Variants in ASIC2 observed in about 807,000 individuals in gnomAD.
ASIC2 encodes acid sensing ion channel subunit 2, also known as acid-sensing ion channel 2.
In ASIC2, 25 loss-of-function variants were observed where a neutral mutation model predicts 57.3. The ratio of observed to expected loss-of-function variants is 0.44; its 90% CI spans 0.32 to 0.61. The LOEUF (loss-of-function observed/expected upper bound fraction) is 0.61. ASIC2 is among the 20% of genes least tolerant of loss of function. The probability of loss-of-function intolerance (pLI) is 0.06; values close to 1 mark genes in which losing one functional copy is unlikely to be tolerated. For synonymous variants in ASIC2, 319 were observed against 307.5 expected, an observed-to-expected ratio of 1.04 and a Z score of -0.39; for missense variants, 641 against 738.1, an observed-to-expected ratio of 0.87 and a Z score of 1.52.
rs375932814 is a variant in ASIC2, at chr17:33,385,295, C to T, written c.556-273228G>A. 4.9e-4 allele frequency among the ~76,000 whole-genome samples: 74 copies of T among 152,244 alleles called. 3 individuals carry two copies. The East Asian group carries it at 0.012, about 24-fold the overall frequency. ...CTTCACTCTGGCCTCCCTCCCCAGC[C>T]CCTGAGCCCCTCCCTTTGGGTTTCA... On this transcript the variant is annotated intron_variant, in intron 1 of 9. Coordinates refer to the ASIC2 transcript ENST00000359872.
At chr17:33,142,807 T>C (rs1200240147) in intron 1 of ASIC2, among the ~76,000 whole-genome samples, 1 of 152,248 alleles carries the variant, frequency 6.6e-6, no homozygotes, top group African/African-American at 2.4e-5. Context: ...ATTTATTATG[T>C]ATTTGTCAAT....
intron 1 of ASIC2, among the ~76,000 whole-genome samples, chr17:34,016,433 A>G (rs1338179408): frequency 2.7e-5 from 4 of 148,698 alleles, no homozygotes; most frequent in African/African-American, 1.0e-4. Flanking sequence ...CAAAAAAAAA[A>G]AAAAAAAAAA....
chr17:33,852,988 C>A (rs1365293256), intron 1 of ASIC2, among the ~76,000 whole-genome samples: 3 of 151,924 alleles, frequency 2.0e-5, no homozygotes, highest in Middle Eastern at 3.2e-3. Flanking sequence ...TAAAGCCTTT[C>A]CCCCCCGTCA....
At chr17:33,799,416 TTTC>T (rs1258513913) in intron 1 of ASIC2, among the ~76,000 whole-genome samples, 19 of 69,262 alleles carry the variant, frequency 2.7e-4, no homozygotes, top group African/African-American at 1.0e-3. Context: ...TCTTTCTTTC[TTTC>T]TTTCTTTCTT....
chr17:33,508,497 C>T (rs1216751881), intron 1 of ASIC2, among the ~76,000 whole-genome samples: 1 of 152,196 alleles, frequency 6.6e-6, no homozygotes, highest in East Asian at 1.9e-4. Flanking sequence ...GGGTGGTGGC[C>T]ATCCCAGGGA....
intron 1 of ASIC2, among the ~76,000 whole-genome samples, chr17:33,961,624 A>G (rs942522168): frequency 6.6e-6 from 1 of 152,220 alleles, no homozygotes; most frequent in African/African-American, 2.4e-5. Flanking sequence ...TGTTCTGGGA[A>G]GATCACGGAG....
intron 1 of ASIC2, among the ~76,000 whole-genome samples, chr17:33,738,108 A>G (rs1207951674): frequency 1.3e-5 from 2 of 152,196 alleles, no homozygotes; most frequent in African/African-American, 4.8e-5. Flanking sequence ...CTGTAAGACC[A>G]AAGGCTTGCA....
At chr17:33,470,374 A>G (rs775884246) in intron 1 of ASIC2, among the ~76,000 whole-genome samples, 6 of 152,216 alleles carry the variant, frequency 3.9e-5, no homozygotes, top group Non-Finnish European at 8.8e-5. Flanking sequence ...GCATGCTTGC[A>G]TAGTGATAAA....
intron 1 of ASIC2, among the ~76,000 whole-genome samples, chr17:33,962,049 A>C (rs1402370716): frequency 6.6e-6 from 1 of 151,514 alleles, no homozygotes; most frequent in South Asian, 2.1e-4. Context: ...TTCTTCTAAC[A>C]CTCCGCACAC....
At chr17:33,310,310 C>G (rs1366125841) in intron 1 of ASIC2, among the ~76,000 whole-genome samples, 1 of 152,026 alleles carries the variant, frequency 6.6e-6, no homozygotes, top group African/African-American at 2.4e-5. Flanking sequence ...TACTCTGTGC[C>G]TTTGTCTCTC....
intron 1 of ASIC2, among the ~76,000 whole-genome samples, chr17:33,756,745 C>A (rs1016975545): frequency 6.6e-6 from 1 of 152,178 alleles, no homozygotes; most frequent in Non-Finnish European, 1.5e-5. Context: ...AGTGACAGCC[C>A]AAAGAGAGGC....
intron 1 of ASIC2, among the ~76,000 whole-genome samples, chr17:33,217,836 C>T (rs1045017209): frequency 3.3e-5 from 5 of 152,198 alleles, no homozygotes; most frequent in African/African-American, 1.2e-4. Context: ...CCTGTTTCTC[C>T]TTTTCTTTCT....
In ASIC2 at chr17:33,475,094, G is replaced by A. The variant is rs371637293; in HGVS notation, c.556-363027C>T. Among the ~76,000 whole-genome samples the A allele has an allele frequency of 7.3e-5, 11 of 151,724 alleles. No individual in the cohort carries two copies. The East Asian group carries it at 1.7e-3, about 24-fold the overall frequency. On this transcript the variant is annotated intron_variant, in intron 1 of 9. Transcript: ENST00000359872. ...ACACCCTCTTCTTGGCCTTTGAACT[G>A]CTATCTTTCATCTCCACTCCCCAAC... is the stretch of plus-strand genomic sequence containing the variant.
chr17:34,135,889 A>T lies in ASIC2; in HGVS notation c.555+20089T>A, dbSNP rs148107351. Among the ~76,000 whole-genome samples, 1,414 of 152,252 alleles carry T rather than the reference A, an allele frequency of 9.3e-3. 19 individuals are homozygous for T. Among genetic ancestry groups the T allele is most frequent in the African/African-American group, 0.033 (1,358 of 41,520 alleles). ...GATGCTGCCAATCATTATTCTAAAAAAAATAATAATGTGGTCATGTCATTG... is the reference window on the plus strand; with the variant it reads ...GATGCTGCCAATCATTATTCTAAAATAAATAATAATGTGGTCATGTCATTG... On this transcript the variant is annotated intron_variant, in intron 1 of 9. Coordinates refer to the ASIC2 transcript ENST00000359872.
chr17:33,108,769 G>A (rs2092245277), intron 2 of ASIC2, among the ~76,000 whole-genome samples: 1 of 152,168 alleles, frequency 6.6e-6, no homozygotes, highest in South Asian at 2.1e-4. Flanking sequence ...GAGGGGTCTG[G>A]GGGAAGTGAC....
At chr17:33,482,221 C>T (rs185760323) in intron 1 of ASIC2, among the ~76,000 whole-genome samples, 2 of 152,202 alleles carry the variant, frequency 1.3e-5, no homozygotes, top group African/African-American at 4.8e-5. Flanking sequence ...TGAGACTCAG[C>T]CTGCTGGGCC....
intron 1 of ASIC2, among the ~76,000 whole-genome samples, chr17:33,887,749 C>T (rs1487681966): frequency 6.6e-6 from 1 of 152,166 alleles, no homozygotes. Context: ...TCAGACCCTA[C>T]CTTGTTTCTG....
At chr17:33,014,208 T>C (rs1429131686) in intron 9 of ASIC2, 142 bp from the exon 10 acceptor site, 5 of 703,588 alleles carry the variant, frequency 7.1e-6, no homozygotes, top group Non-Finnish European at 1.3e-5. Context: ...TAGGCTAGTT[T>C]ACCATCTTGG....
chr17:33,852,991 C>T (rs1913815910), intron 1 of ASIC2, among the ~76,000 whole-genome samples: 1 of 152,080 alleles, frequency 6.6e-6, no homozygotes, highest in African/African-American at 2.4e-5. Flanking sequence ...AGCCTTTCCC[C>T]CCCGTCATAG....
Sources: gnomAD v4.1 joint callset for allele counts (sites outside exome capture counted in the v4.1 genomes callset) on GRCh38, gnomAD v4.1.1 for gene constraint, MANE v1.5 for transcripts, NCBI Gene and HGNC (gene_info 2026-07-23, HGNC 2026-07-21) for gene names.